The following SAXO1 variants were observed in gnomAD, a reference collection of about 807,000 sequenced individuals.
SAXO1 encodes the protein 4930500O09Rik.
SAXO1 carries 21 observed loss-of-function variants against 17.5 expected under a neutral mutation model. The ratio of observed to expected loss-of-function variants is 1.20; its 90% CI spans 0.85 to 1.72. The LOEUF is 1.72. Ranked by LOEUF, SAXO1 falls within the 40% of genes most tolerant of loss-of-function variation. The pLI, the probability that SAXO1 is intolerant of heterozygous loss-of-function variation, is 0.00. For synonymous variants in SAXO1, 274 were observed against 216.5 expected, an observed-to-expected ratio of 1.27 and a Z score of -2.33; for missense variants, 843 against 596.0, an observed-to-expected ratio of 1.41 and a Z score of -4.32.
chr9:18,929,220 G>A (rs755814390), intron 3 of SAXO1, among the ~76,000 whole-genome samples, 165 bp from the exon 4 acceptor site: 3 of 152,160 alleles, frequency 2.0e-5, no homozygotes, highest in Non-Finnish European at 4.4e-5. Flanking sequence ...CACCTGATGT[G>A]TCAACTTTAT....
At chr9:18,934,106 T>C (rs1354750373) in intron 3 of SAXO1, among the ~76,000 whole-genome samples, 1 of 152,212 alleles carries the variant, frequency 6.6e-6, no homozygotes, top group Non-Finnish European at 1.5e-5. Flanking sequence ...GTCATTTCTC[T>C]TTTGCCTCCT....
At chr9:18,948,721 C>T (rs1831899624) in intron 2 of SAXO1, among the ~76,000 whole-genome samples, 1 of 152,140 alleles carries the variant, frequency 6.6e-6, no homozygotes, top group South Asian at 2.1e-4. Context: ...AAGGGTTTGT[C>T]CCCATTCTCC....
At chr9:18,932,018 T>G (rs1831074009) in intron 3 of SAXO1, among the ~76,000 whole-genome samples, 1 of 152,236 alleles carries the variant, frequency 6.6e-6, no homozygotes, top group Non-Finnish European at 1.5e-5. Flanking sequence ...CTCTTTTCAT[T>G]TCTTAATGGT....
chr9:18,928,313 G>C lies in SAXO1; in HGVS notation c.1164C>G (p.Ser388Arg). 3.1e-6 allele frequency: 5 copies of C among 1,613,510 alleles called. No homozygotes were observed. The highest frequency in any genetic ancestry group is 4.2e-6 in the Non-Finnish European group (5 of 1,179,640). Residue 388 changes from serine (S) to arginine (R), a missense_variant, in exon 4 of 4, where the codon AGC becomes AGG. Transcript: ENST00000380534. ...YVPHLPINTK[S>R]CKPHWSGPRG... ...GAGGGCCAGACCAATGAGGCTTACA[G>C]CTTTTGGTATTGATAGGCAGGTGGG...
At chr9:18,971,533 AC>A (rs1370904335) in intron 1 of SAXO1, among the ~76,000 whole-genome samples, 1 of 152,162 alleles carries the variant, frequency 6.6e-6, no homozygotes, top group Non-Finnish European at 1.5e-5. Flanking sequence ...TCCTCTGAGT[AC>A]CAAAAATATT....
intron 1 of SAXO1, among the ~76,000 whole-genome samples, chr9:19,016,581 G>C (rs1183920837): frequency 6.6e-6 from 1 of 152,062 alleles, no homozygotes; most frequent in Non-Finnish European, 1.5e-5. Flanking sequence ...TCAAAAGTGG[G>C]GTAGGTGCCA....
In SAXO1 at chr9:19,000,832, A is replaced by G. The variant is rs149463775; in HGVS notation, c.38+32039T>C. ...ACTTTAAACCAACAAAGATCAAAAG[A>G]GACAAAGAAGGCCATTACATAATGC... On this transcript the variant is annotated intron_variant, in intron 1 of 3. Coordinates refer to ENST00000380534, the MANE Select transcript of SAXO1 (RefSeq NM_153707.4). Among the ~76,000 whole-genome samples, 1,216 of 152,346 alleles carry G rather than the reference A, an allele frequency of 8.0e-3. 15 individuals are homozygous for G. The highest frequency in any genetic ancestry group is 0.028 in the African/African-American group (1,146 of 41,566).
chr9:18,948,819 T>G (rs1563937001), intron 2 of SAXO1, among the ~76,000 whole-genome samples: 1 of 152,172 alleles, frequency 6.6e-6, no homozygotes, highest in Non-Finnish European at 1.5e-5. Context: ...AATATATCAG[T>G]GTCTGAAGCC....
intron 1 of SAXO1, among the ~76,000 whole-genome samples, chr9:19,041,657 C>T (rs1227699801): frequency 6.6e-6 from 1 of 152,124 alleles, no homozygotes; most frequent in African/African-American, 2.4e-5. Flanking sequence ...CAAAAGTTAA[C>T]TCATTTCAAC....
chr9:18,943,927 C>T (rs886416484), intron 2 of SAXO1, among the ~76,000 whole-genome samples: 31 of 152,220 alleles, frequency 2.0e-4, no homozygotes, highest in African/African-American at 7.2e-4. Flanking sequence ...CCAAGAGGAC[C>T]AGCTTCCTCT....
Position 19,033,117 on chromosome 9 carries a change from G to T in SAXO1, c.-209C>A, listed in dbSNP as rs987576242. 1.0e-4 allele frequency: 50 copies of T among 501,886 alleles called. No individual in the cohort carries two copies. The highest frequency in any genetic ancestry group is 1.6e-4 in the Non-Finnish European group (45 of 288,904). 31.1% of individuals were successfully genotyped at this position (501,886 alleles called of 1,614,324 possible). A position where few individuals can be genotyped will look rare whatever the true frequency, so the allele number is the denominator to read the frequency against. ...TGGCCTAGCGCGAGGTAGCAGCAGG[G>T]GGCTTGCACGCGCGCCAGCCCGGGA... On this transcript the variant is annotated 5_prime_UTR_variant, in exon 1 of 4. Transcript: ENST00000380534.
chr9:19,024,250 G>C (rs1381633342), intron 1 of SAXO1, among the ~76,000 whole-genome samples: 1 of 151,768 alleles, frequency 6.6e-6, no homozygotes, highest in African/African-American at 2.4e-5. Context: ...TGCAGCAAGG[G>C]CAGCCGCACT....
intron 3 of SAXO1, among the ~76,000 whole-genome samples, chr9:18,934,010 G>A (rs1450944447): frequency 3.3e-5 from 5 of 152,154 alleles, no homozygotes; most frequent in Non-Finnish European, 1.5e-5. Context: ...TGCAGCCACT[G>A]CACTCCAGCC....
intron 2 of SAXO1, among the ~76,000 whole-genome samples, chr9:18,944,500 C>G (rs1161449424): frequency 2.0e-5 from 3 of 152,234 alleles, no homozygotes; most frequent in African/African-American, 2.4e-5. Flanking sequence ...TTTAAGAACA[C>G]TGGATCTCCC....
At chr9:18,965,436 G>A (rs999362007) in intron 1 of SAXO1, among the ~76,000 whole-genome samples, 4 of 152,192 alleles carry the variant, frequency 2.6e-5, no homozygotes, top group Non-Finnish European at 2.9e-5. Flanking sequence ...GGGTGCTCCT[G>A]TATTGGGTGC....
intron 1 of SAXO1, among the ~76,000 whole-genome samples, chr9:18,995,880 G>C (rs181984405): frequency 2.6e-4 from 40 of 152,218 alleles, no homozygotes; most frequent in Non-Finnish European, 5.1e-4. Flanking sequence ...AGGAGTTTGA[G>C]ACCAGCCTGG....
intron 1 of SAXO1, among the ~76,000 whole-genome samples, chr9:19,045,137 C>G (rs567463006): frequency 6.7e-6 from 1 of 149,368 alleles, no homozygotes; most frequent in Admixed American, 6.7e-5. Context: ...GGTGAAACCC[C>G]GTCTCTACTA....
intron 1 of SAXO1, among the ~76,000 whole-genome samples, chr9:18,965,269 G>A (rs1159613383): frequency 6.6e-6 from 1 of 152,160 alleles, no homozygotes; most frequent in Non-Finnish European, 1.5e-5. Context: ...GTGTCTATTA[G>A]GTCCACTTGG....
chr9:18,962,896 T>A (rs114106452), intron 1 of SAXO1, among the ~76,000 whole-genome samples: 242 of 152,362 alleles, frequency 1.6e-3, no homozygotes, highest in African/African-American at 5.5e-3. Context: ...TGAATGGTAT[T>A]AGCTAGCTTT....
Sources: gnomAD v4.1 joint callset for allele counts (sites outside exome capture counted in the v4.1 genomes callset) on GRCh38, gnomAD v4.1.1 for gene constraint, MANE v1.5 for transcripts, NCBI Gene and HGNC (gene_info 2026-07-23, HGNC 2026-07-21) for gene names.